The following DOCK3 variants were observed in gnomAD, a reference collection of about 807,000 sequenced individuals.
DOCK3 encodes dedicator of cytokinesis protein 3.
A neutral mutation model predicts 265.6 loss-of-function variants in DOCK3; 60 were observed. The ratio of observed to expected loss-of-function variants is 0.23; its 90% CI spans 0.18 to 0.28. DOCK3 has a LOEUF of 0.28. Ranked by LOEUF, DOCK3 falls within the 10% of genes least tolerant of loss-of-function variation. The pLI, the probability that DOCK3 is intolerant of heterozygous loss-of-function variation, is 1.00. For missense variants in DOCK3, 1,981 were observed against 2,594.3 expected, an observed-to-expected ratio of 0.76 and a Z score of 5.14; for synonymous variants, 881 against 938.0, an observed-to-expected ratio of 0.94 and a Z score of 1.11.
At chr3:50,871,698 T>G (rs1385436781) in intron 3 of DOCK3, among the ~76,000 whole-genome samples, 1 of 152,206 alleles carries the variant, frequency 6.6e-6, no homozygotes, top group Non-Finnish European at 1.5e-5. Flanking sequence ...TCATCTTGCT[T>G]GTTTTTTATT....
At chr3:51,300,383 A>G (rs563430391) in intron 27 of DOCK3, among the ~76,000 whole-genome samples, 1 of 152,238 alleles carries the variant, frequency 6.6e-6, no homozygotes, top group East Asian at 1.9e-4. Context: ...CTATTTGAAT[A>G]CCCTTTATTT....
intron 19 of DOCK3, among the ~76,000 whole-genome samples, chr3:51,231,048 A>C (rs961095297): frequency 6.7e-6 from 1 of 149,526 alleles, no homozygotes; most frequent in East Asian, 1.9e-4. Context: ...AGCTAAACTA[A>C]TTTACATTCC....
At chr3:50,709,102 C>T (rs1024374070) in intron 1 of DOCK3, among the ~76,000 whole-genome samples, 1 of 152,160 alleles carries the variant, frequency 6.6e-6, no homozygotes. Flanking sequence ...ACTTCTAATC[C>T]TGAAAATAGT....
At chr3:51,145,863 A>T (rs953015342) in intron 9 of DOCK3, among the ~76,000 whole-genome samples, 3 of 152,168 alleles carry the variant, frequency 2.0e-5, no homozygotes, top group Non-Finnish European at 4.4e-5. Context: ...AAGCTGTTCT[A>T]CCTTAGATCA....
At chr3:51,111,141 A>T (rs1228939426) in intron 9 of DOCK3, among the ~76,000 whole-genome samples, 3 of 152,204 alleles carry the variant, frequency 2.0e-5, no homozygotes, top group African/African-American at 4.8e-5. Context: ...AGAGATCTCT[A>T]CAATGAGAAT....
intron 5 of DOCK3, among the ~76,000 whole-genome samples, chr3:51,020,872 C>T (rs945179325): frequency 2.0e-5 from 3 of 151,724 alleles, no homozygotes; most frequent in Admixed American, 2.0e-4. Flanking sequence ...GTTACTGTAG[C>T]CCTGTAGTAT....
At chr3:51,071,396 C>G (rs572624508) in intron 6 of DOCK3, among the ~76,000 whole-genome samples, 24 of 152,278 alleles carry the variant, frequency 1.6e-4, no homozygotes, top group African/African-American at 5.8e-4. Flanking sequence ...GAAAACTTAG[C>G]TCTGTGCTAC....
chr3:50,744,494 G>C (rs2039296829), intron 1 of DOCK3, among the ~76,000 whole-genome samples: 1 of 150,690 alleles, frequency 6.6e-6, no homozygotes, highest in Non-Finnish European at 1.5e-5. Flanking sequence ...GAGTGCAGTG[G>C]TGCCATCAAG....
At chr3:50,956,986 C>T (rs536537274) in intron 5 of DOCK3, among the ~76,000 whole-genome samples, 29 of 152,264 alleles carry the variant, frequency 1.9e-4, no homozygotes, top group African/African-American at 5.8e-4. Flanking sequence ...CCTCCGCCTT[C>T]GCTCCTGGCC....
intron 3 of DOCK3, among the ~76,000 whole-genome samples, chr3:50,850,552 A>G (rs1271134948): frequency 6.6e-6 from 1 of 152,068 alleles, no homozygotes; most frequent in Non-Finnish European, 1.5e-5. Context: ...GTGTCACTAT[A>G]TGTGTATTTT....
rs1176852156 is a variant in DOCK3, at chr3:51,035,560, A to G, written c.316-28888A>G. 2.0e-5 allele frequency among the ~76,000 whole-genome samples: 3 copies of G among 152,146 alleles called. No individual in the cohort carries two copies. The East Asian group carries it at 5.8e-4, about 29-fold the overall frequency. On this transcript the variant is annotated intron_variant, in intron 5 of 52. Coordinates refer to ENST00000266037, the MANE Select transcript of DOCK3 (RefSeq NM_004947.5). ...GATAATTCCAACATCTTATCATCTC[A>G]GGGTTGACATCTGTTGACTGTCTTT...
At chr3:51,157,099 A>C (rs936395953) in intron 10 of DOCK3, among the ~76,000 whole-genome samples, 1 of 152,168 alleles carries the variant, frequency 6.6e-6, no homozygotes, top group Non-Finnish European at 1.5e-5. Flanking sequence ...ATCCTTTTTC[A>C]ATATCAAACA....
chr3:50,768,751 T>G (rs2041076707), intron 1 of DOCK3, among the ~76,000 whole-genome samples: 2 of 152,230 alleles, frequency 1.3e-5, no homozygotes, highest in Admixed American at 6.5e-5. Context: ...CTGATTTAAT[T>G]TCCTTTGGAT....
At chr3:50,868,618 C>T (rs2047262722) in intron 3 of DOCK3, among the ~76,000 whole-genome samples, 2 of 152,172 alleles carry the variant, frequency 1.3e-5, no homozygotes, top group African/African-American at 4.8e-5. Context: ...AAGTGATCCA[C>T]CTGCCTCAGC....
At chr3:50,922,510 G>A (rs1259690112) in intron 4 of DOCK3, among the ~76,000 whole-genome samples, 2 of 152,202 alleles carry the variant, frequency 1.3e-5, no homozygotes, top group Non-Finnish European at 2.9e-5. Context: ...TCCCACGTGG[G>A]GCAATGCCCC....
intron 1 of DOCK3, among the ~76,000 whole-genome samples, chr3:50,750,446 C>T (rs1368569706): frequency 6.6e-6 from 1 of 150,892 alleles, no homozygotes; most frequent in Non-Finnish European, 1.5e-5. Flanking sequence ...TCTCCTGCCT[C>T]AGCCTCCCGA....
rs544204978 is a variant in DOCK3, at chr3:51,363,205, G to A, written c.5293+531G>A. On this transcript the variant is annotated intron_variant, in intron 49 of 52. Transcript: ENST00000266037. ...TAGTTGATTTCTTGTTCAGTTGAAT[G>A]AATATTGTTCTTTGAGAGGCAGCAT... Among the ~76,000 whole-genome samples, 5 of 152,358 alleles carry A rather than the reference G, an allele frequency of 3.3e-5. No homozygotes were observed. In the South Asian group the frequency reaches 1.0e-3, roughly 32 times the overall value.
At chr3:51,302,801 TG>T (rs1392873226) in intron 27 of DOCK3, among the ~76,000 whole-genome samples, 3 of 152,240 alleles carry the variant, frequency 2.0e-5, no homozygotes, top group African/African-American at 7.2e-5. Flanking sequence ...GTTAGTCTGA[TG>T]GGCTTCCCTT....
At chr3:50,862,991 C>T (rs559303117) in intron 3 of DOCK3, among the ~76,000 whole-genome samples, 31 of 152,298 alleles carry the variant, frequency 2.0e-4, no homozygotes, top group Middle Eastern at 3.4e-3. Context: ...GGGAGAGGGC[C>T]CATTCTCCAC....
Sources: gnomAD v4.1 joint callset for allele counts (sites outside exome capture counted in the v4.1 genomes callset) on GRCh38, gnomAD v4.1.1 for gene constraint, MANE v1.5 for transcripts, NCBI Gene and HGNC (gene_info 2026-07-23, HGNC 2026-07-21) for gene names.